Variants in TRIM2 observed in about 807,000 individuals in gnomAD.
TRIM2 encodes the protein tripartite motif containing 2.
TRIM2 carries 20 observed loss-of-function variants against 75.2 expected under a neutral mutation model. That is an observed-to-expected ratio of 0.27 (90% CI 0.19 to 0.39). The LOEUF is 0.39. TRIM2 is among the 10% of genes least tolerant of loss of function. The pLI is 1.00. For missense variants in TRIM2, 660 were observed against 990.8 expected, an observed-to-expected ratio of 0.67 and a Z score of 4.48; for synonymous variants, 373 against 388.3, an observed-to-expected ratio of 0.96 and a Z score of 0.46.
At chr4:153,178,400 A>G (rs1261571883) in intron 1 of TRIM2, among the ~76,000 whole-genome samples, 1 of 152,184 alleles carries the variant, frequency 6.6e-6, no homozygotes, top group Non-Finnish European at 1.5e-5. Flanking sequence ...GCTTTTGTCT[A>G]AGAGAACAAA....
intron 1 of TRIM2, among the ~76,000 whole-genome samples, chr4:153,230,583 G>A (rs1432352777): frequency 6.6e-6 from 1 of 152,186 alleles, no homozygotes; most frequent in African/African-American, 2.4e-5. Context: ...TTGATTTATT[G>A]TACCACAGCT....
At chr4:153,302,230 T>G (rs1479380187) in intron 6 of TRIM2, among the ~76,000 whole-genome samples, 1 of 152,220 alleles carries the variant, frequency 6.6e-6, no homozygotes, top group Non-Finnish European at 1.5e-5. Context: ...TGTTAGTTTT[T>G]TTCTTTTTCT....
chr4:153,164,525 A>G (rs1730085851), intron 1 of TRIM2, among the ~76,000 whole-genome samples: 1 of 152,182 alleles, frequency 6.6e-6, no homozygotes, highest in African/African-American at 2.4e-5. Flanking sequence ...TCAAATAAGT[A>G]ATATATTTAC....
intron 8 of TRIM2, among the ~76,000 whole-genome samples, chr4:153,318,788 C>A (rs1034260880): frequency 1.3e-5 from 2 of 152,044 alleles, no homozygotes; most frequent in Non-Finnish European, 2.9e-5. Flanking sequence ...ATTTTTTGTT[C>A]AGTGGTTCAA....
rs752513254 is a variant in TRIM2 at position 153,204,590 on chromosome 4, C to G, written c.30+30C>G. On this transcript the variant is annotated intron_variant, in intron 1 of 11. Transcript: ENST00000338700. ...GGACGCTTCTCAATGTGGGATAATTCTTTTTCTGGGCCAGCTGGTTAATCC... is the reference window on the plus strand; with the variant it reads ...GGACGCTTCTCAATGTGGGATAATTGTTTTTCTGGGCCAGCTGGTTAATCC... 8.4e-6 allele frequency: 13 copies of G among 1,551,458 alleles called. No homozygotes were observed. The Admixed American group carries it at 1.6e-4, about 19-fold the overall frequency.
chr4:153,176,538 A>G lies in TRIM2; in HGVS notation c.-49+23268A>G, dbSNP rs768104905. ...TCAAGAGTATACCAGAGTTCTCTGT[A>G]TTATTCTTGCAAATTTTCTATAGGT... On this transcript the variant is annotated intron_variant, in intron 1 of 11. Coordinates refer to the TRIM2 transcript ENST00000437508. 5.1e-4 allele frequency among the ~76,000 whole-genome samples: 78 copies of G among 152,168 alleles called. 1 individual carries two copies. The highest frequency in any genetic ancestry group is 1.6e-3 in the Admixed American group (24 of 15,276).
At chr4:153,315,385 C>T in intron 6 of TRIM2, 100 bp from the exon 7 acceptor site, 1 of 906,326 alleles carries the variant, frequency 1.1e-6, no homozygotes. Flanking sequence ...AAAAACAATG[C>T]ATTCTCAGGT....
At chr4:153,329,780 T>A (rs974047538) in intron 11 of TRIM2, among the ~76,000 whole-genome samples, 1 of 151,388 alleles carries the variant, frequency 6.6e-6, no homozygotes, top group Non-Finnish European at 1.5e-5. Flanking sequence ...GAGGCTTCAG[T>A]GAGCCAAGAT....
At chr4:153,243,764 A>G (rs1747289443) in intron 1 of TRIM2, among the ~76,000 whole-genome samples, 1 of 151,588 alleles carries the variant, frequency 6.6e-6, no homozygotes, top group African/African-American at 2.4e-5. Context: ...ATGGCTAGGC[A>G]TGGATAATAT....
intron 1 of TRIM2, among the ~76,000 whole-genome samples, chr4:153,235,019 C>T (rs1440887644): frequency 6.6e-6 from 1 of 152,202 alleles, no homozygotes; most frequent in East Asian, 1.9e-4. Flanking sequence ...CAAACTGCTT[C>T]TAGTTGGTCT....
Position 153,165,115 on chromosome 4 carries a change from A to G in TRIM2, c.-49+11845A>G, listed in dbSNP as rs541871311. On this transcript the variant is annotated intron_variant, in intron 1 of 11. Transcript: ENST00000437508. ...CTGGGATTTTCCTCTCTTAGTTCTC[A>G]ATCCCACCCCAATTTGGACTGGTTT... is the stretch of plus-strand genomic sequence containing the variant. Among the ~76,000 whole-genome samples, 202 of 152,222 alleles carry G rather than the reference A, an allele frequency of 1.3e-3. 1 individual carries two copies. The highest frequency in any genetic ancestry group is 3.9e-3 in the Admixed American group (60 of 15,286).
At chr4:153,247,419 T>C (rs528854838) in intron 1 of TRIM2, among the ~76,000 whole-genome samples, 1 of 152,322 alleles carries the variant, frequency 6.6e-6, no homozygotes, top group South Asian at 2.1e-4. Context: ...CTCACGCCTG[T>C]AGTCCCAGCA....
chr4:153,296,007 C>T lies in TRIM2; in HGVS notation c.1481C>T (p.Pro494Leu). The change falls in exon 6 of 12, where the codon CCC becomes CTC. Residue 494 changes from proline to leucine, a missense_variant. By Grantham distance (98) the Pro-to-Leu change is moderately conservative. Around this residue, in one of 2 missense-constraint regions of TRIM2, gnomAD observed 620 missense variants for 891.0 expected, o/e 0.70. Coordinates refer to ENST00000338700, the MANE Select transcript of TRIM2 (RefSeq NM_015271.5). ...MYSTGKRKEN[P>L]IEDDLIFRVG... ...AGCACTGGAAAACGAAAAGAGAATC[C>T]CATCGAAGACGATTTGATCTTTCGA... is the stretch of plus-strand genomic sequence containing the variant. 1 of 1,523,980 alleles carries T rather than the reference C, an allele frequency of 6.6e-7. No homozygotes were observed. Among genetic ancestry groups the T allele is most frequent in the Non-Finnish European group, 8.8e-7 (1 of 1,138,278 alleles). The allele number at this position is 1,523,980 out of a possible 1,614,324, so 94.4% of individuals were successfully genotyped here. A position where few individuals can be genotyped will look rare whatever the true frequency, so the allele number is the denominator to read the frequency against.
At chr4:153,261,707 T>A (rs1328417335) in intron 1 of TRIM2, among the ~76,000 whole-genome samples, 1 of 152,194 alleles carries the variant, frequency 6.6e-6, no homozygotes, top group Non-Finnish European at 1.5e-5. Flanking sequence ...TAACTTTGGC[T>A]TTTCTCTGCC....
intron 6 of TRIM2, among the ~76,000 whole-genome samples, chr4:153,297,552 T>C (rs1271002135): frequency 6.6e-6 from 1 of 152,220 alleles, no homozygotes; most frequent in African/African-American, 2.4e-5. Context: ...TTAAGGCTTT[T>C]AGATTATCCC....
intron 3 of TRIM2, among the ~76,000 whole-genome samples, chr4:153,278,797 CAAAA>C (rs5863036): frequency 1.6e-5 from 2 of 123,064 alleles, no homozygotes; most frequent in Admixed American, 8.3e-5. Flanking sequence ...GACTCTATCT[CAAAA>C]AAAAAAAAAA....
chr4:153,235,265 G>T lies in TRIM2; in HGVS notation c.30+30705G>T, dbSNP rs1410339214. Among the ~76,000 whole-genome samples, 9 of 151,838 alleles carry T rather than the reference G, an allele frequency of 5.9e-5. No homozygotes were observed. The South Asian group carries it at 1.9e-3, about 32-fold the overall frequency. ...TCCTCTGTAAAATGGGAAAAGCTGT[G>T]CCTGCTTCATAGAGTTAAGATAATT... is the stretch of plus-strand genomic sequence containing the variant. On this transcript the variant is annotated intron_variant, in intron 1 of 11. Coordinates refer to ENST00000338700, the MANE Select transcript of TRIM2 (RefSeq NM_015271.5).
chr4:153,262,491 C>T (rs557521922), intron 1 of TRIM2, among the ~76,000 whole-genome samples: 1 of 152,238 alleles, frequency 6.6e-6, no homozygotes, highest in African/African-American at 2.4e-5. Flanking sequence ...TCTTGAACAC[C>T]AATCTTAGGT....
chr4:153,239,256 G>A (rs1342793508), intron 1 of TRIM2, among the ~76,000 whole-genome samples: 2 of 151,934 alleles, frequency 1.3e-5, no homozygotes, highest in Admixed American at 1.3e-4. Context: ...GGAGGCTGAG[G>A]CAGGAGAATG....
Sources: gnomAD v4.1 joint callset for allele counts (sites outside exome capture counted in the v4.1 genomes callset) on GRCh38, gnomAD v4.1.1 for gene constraint, gnomAD v4.1.1 regional missense constraint, MANE v1.5 for transcripts, NCBI Gene and HGNC (gene_info 2026-07-23, HGNC 2026-07-21) for gene names.